Variants in CHL1 observed in about 807,000 individuals in gnomAD.
CHL1 encodes neural cell adhesion molecule L1-like protein.
CHL1 carries 96 observed loss-of-function variants against 141.9 expected under a neutral mutation model. That is an observed-to-expected ratio of 0.68 (90% CI 0.57 to 0.80). The LOEUF is 0.80. Among genes scored for constraint, CHL1 ranks in the 30% least tolerant of loss-of-function variants. The pLI is 0.00. For missense variants in CHL1, 1,820 were observed against 1,457.2 expected, an observed-to-expected ratio of 1.25 and a Z score of -4.05; for synonymous variants, 613 against 502.2, an observed-to-expected ratio of 1.22 and a Z score of -2.95.
chr3:281,015 AT>A (rs200832997), intron 2 of CHL1, among the ~76,000 whole-genome samples: 2 of 152,022 alleles, frequency 1.3e-5, no homozygotes, highest in African/African-American at 4.8e-5. Context: ...AACTGGGGTT[AT>A]TTTTTTCCCC....
In CHL1 at chr3:361,651, C is replaced by T. The variant is rs1298687934; in HGVS notation, c.1307-48C>T. The T allele has an allele frequency of 3.1e-6, 4 of 1,311,146 alleles. No homozygotes were observed. The African/African-American group carries it at 4.4e-5, about 14-fold the overall frequency. 81.2% of individuals were successfully genotyped at this position (1,311,146 alleles called of 1,614,324 possible). A position where few individuals can be genotyped will look rare whatever the true frequency, so the allele number is the denominator to read the frequency against. On this transcript the variant is annotated intron_variant, in intron 12 of 27. Transcript: ENST00000256509. Reference sequence around the variant, plus strand: ...ACATAGAAAAATTTAATTTGCATATCTTTCTTCCACAAAAGTTTAAAACTG... The same window carrying T: ...ACATAGAAAAATTTAATTTGCATATTTTTCTTCCACAAAAGTTTAAAACTG...
At chr3:258,446 C>G (rs1694385555) in intron 2 of CHL1, among the ~76,000 whole-genome samples, 1 of 152,310 alleles carries the variant, frequency 6.6e-6, no homozygotes, top group Non-Finnish European at 1.5e-5. Context: ...TTTGTAGGAG[C>G]CTCAAATCTC....
At chr3:209,374 A>G (rs1699706772) in intron 1 of CHL1, among the ~76,000 whole-genome samples, 1 of 152,228 alleles carries the variant, frequency 6.6e-6, no homozygotes, top group Non-Finnish European at 1.5e-5. Context: ...AAAGACTAGA[A>G]AAAGACAACT....
At chr3:395,880 T>C (rs891611296) in intron 24 of CHL1, among the ~76,000 whole-genome samples, 2 of 152,110 alleles carry the variant, frequency 1.3e-5, no homozygotes, top group African/African-American at 2.4e-5. Context: ...GTAGAGAAAA[T>C]GCAGTTGCCT....
In CHL1 at chr3:280,309, A is replaced by G. The variant is rs574968967; in HGVS notation, c.-95+35617A>G. 3.9e-5 allele frequency among the ~76,000 whole-genome samples: 6 copies of G among 152,132 alleles called. No individual in the cohort carries two copies. In the South Asian group the frequency reaches 1.2e-3, roughly 32 times the overall value. On this transcript the variant is annotated intron_variant, in intron 2 of 27. Transcript: ENST00000256509. ...ATTTTCAGGAGACTGTGGCACTGTC[A>G]TGGATGGTAGCTATACCATTTTCTA...
intron 1 of CHL1, among the ~76,000 whole-genome samples, chr3:237,811 CAT>C (rs140656783): frequency 0.07 from 10,634 of 152,158 alleles, 420 homozygotes; most frequent in Middle Eastern, 0.11. Flanking sequence ...AAAAAAATCA[CAT>C]ATGATGTTTA....
At chr3:366,164 C>T (rs1704851109) in intron 15 of CHL1, 49 bp downstream of exon 15, 3 of 1,556,884 alleles carry the variant, frequency 1.9e-6, no homozygotes, top group Non-Finnish European at 2.6e-6. Flanking sequence ...GGGTAAACAA[C>T]TTGCATTTGA....
chr3:373,207 C>A (rs573133823), intron 15 of CHL1, among the ~76,000 whole-genome samples: 1 of 152,232 alleles, frequency 6.6e-6, no homozygotes, highest in Non-Finnish European at 1.5e-5. Context: ...CAGGAGGAGA[C>A]GCTAAGTCTG....
chr3:270,932 CA>C (rs1424207129), intron 2 of CHL1, among the ~76,000 whole-genome samples: 2 of 152,176 alleles, frequency 1.3e-5, no homozygotes, highest in African/African-American at 4.8e-5. Flanking sequence ...CTGGCTTTTT[CA>C]GAACCAAGAG....
At chr3:327,955 A>G (rs1168710146) in intron 4 of CHL1, among the ~76,000 whole-genome samples, 4 of 152,050 alleles carry the variant, frequency 2.6e-5, no homozygotes, top group East Asian at 1.9e-4. Flanking sequence ...GCTAATTTCA[A>G]TCTTAATCCT....
chr3:384,008 A>G (rs564750172), intron 19 of CHL1, 122 bp downstream of exon 19: 1 of 621,454 alleles, frequency 1.6e-6, no homozygotes, highest in East Asian at 2.8e-5. Flanking sequence ...TGGAAATGAA[A>G]TTAACTTGTG....
intron 15 of CHL1, among the ~76,000 whole-genome samples, chr3:372,991 T>A (rs773632436): frequency 7.2e-5 from 11 of 152,128 alleles, no homozygotes; most frequent in Non-Finnish European, 1.6e-4. Context: ...TCTTGTGGGA[T>A]CTCAGACCTC....
chr3:369,393 C>G (rs916061844), intron 15 of CHL1, among the ~76,000 whole-genome samples: 1 of 152,110 alleles, frequency 6.6e-6, no homozygotes, highest in African/African-American at 2.4e-5. Flanking sequence ...TGATTTGGCT[C>G]TCTGCTGGTC....
At chr3:400,854 T>C (rs566262310) in intron 26 of CHL1, among the ~76,000 whole-genome samples, 15 of 150,056 alleles carry the variant, frequency 1.0e-4, no homozygotes, top group Admixed American at 3.3e-4. Context: ...TTCAGATTGT[T>C]GCAACAATTT....
chr3:279,884 C>G (rs746224047), intron 2 of CHL1, among the ~76,000 whole-genome samples: 1 of 152,154 alleles, frequency 6.6e-6, no homozygotes, highest in African/African-American at 2.4e-5. Context: ...TAAAATTGCA[C>G]TTGAGAAGTC....
chr3:333,580 T>G (rs999379685), intron 5 of CHL1, among the ~76,000 whole-genome samples: 4 of 152,194 alleles, frequency 2.6e-5, no homozygotes, highest in African/African-American at 9.7e-5. Flanking sequence ...TTTAACTAAA[T>G]GTATTATCCA....
chr3:395,020 C>A, intron 24 of CHL1, 148 bp downstream of exon 24: 2 of 677,104 alleles, frequency 3.0e-6, no homozygotes, highest in African/African-American at 1.8e-5. Context: ...CTGTTTTCCA[C>A]TGACATAGAG....
At chr3:209,086 AAT>A (rs1158046702) in intron 1 of CHL1, among the ~76,000 whole-genome samples, 1 of 152,250 alleles carries the variant, frequency 6.6e-6, no homozygotes, top group Non-Finnish European at 1.5e-5. Flanking sequence ...ATGCTAGGCC[AAT>A]ATCTAAAAGT....
At chr3:289,129 AT>A (rs1697434036) in intron 2 of CHL1, among the ~76,000 whole-genome samples, 1 of 152,058 alleles carries the variant, frequency 6.6e-6, no homozygotes, top group Non-Finnish European at 1.5e-5. Context: ...CTTTGCTTTA[AT>A]TTCTTAGTTT....
Sources: allele counts gnomAD v4.1 joint callset (sites outside exome capture counted in the v4.1 genomes callset), GRCh38; gene constraint gnomAD v4.1.1; transcripts MANE v1.5; gene names NCBI Gene and HGNC (gene_info 2026-07-23, HGNC 2026-07-21).